Variants in TUBAL3 observed in about 807,000 individuals in gnomAD.
The protein encoded by TUBAL3 is tubulin alpha chain-like 3.
TUBAL3 carries 16 observed loss-of-function variants against 15.5 expected under a neutral mutation model. That is an observed-to-expected ratio of 1.04 (90% CI 0.70 to 1.57). The LOEUF (loss-of-function observed/expected upper bound fraction) is 1.57. TUBAL3 is among the 40% of genes most tolerant of loss of function. The pLI, the probability that TUBAL3 is intolerant of heterozygous loss-of-function variation, is 0.00. For missense variants in TUBAL3, 609 were observed against 576.2 expected (o/e 1.06, Z -0.58); for synonymous variants, 238 against 224.3 (o/e 1.06, Z -0.55).
In TUBAL3 at chr10:5,400,922, C is replaced by T. The variant is rs782639744; in HGVS notation, c.169G>A (p.Asp57Asn). The T allele has an allele frequency of 5.0e-6, 8 of 1,614,068 alleles. No individual in the cohort carries two copies. In the Admixed American group the frequency reaches 5.0e-5, roughly 10 times the overall value. The change falls in exon 2 of 4, where the codon GAT becomes AAT. Residue 57 changes from aspartate to asparagine, a missense_variant. By Grantham distance (23) the Asp-to-Asn change is conservative (BLOSUM62 1). Coordinates refer to ENST00000380419, the MANE Select transcript of TUBAL3 (RefSeq NM_024803.3). ...GCTCTTGTCTCACAGAAGAAGGTAT[C>T]GAAAGATGCATTTGTGTGCTCCATT... ...AKMEHTNASFDTFFCETRAGK... is the reference protein window; with the variant it reads ...AKMEHTNASFNTFFCETRAGK...
rs1314957732 is a variant in TUBAL3, at chr10:5,395,678, T to G, written c.248-203A>C. 2.0e-5 allele frequency among the ~76,000 whole-genome samples: 3 copies of G among 152,234 alleles called. No homozygotes were observed. Among genetic ancestry groups the G allele is most frequent in the Non-Finnish European group, 4.4e-5 (3 of 68,038 alleles). On this transcript the variant is annotated intron_variant, in intron 2 of 3. Transcript: ENST00000380419. This position sits in a 1 kb window ranked among gnomAD's most constrained non-coding sequence, Gnocchi z 4.6. Reference sequence around the variant, plus strand: ...ATTTTTTACATATACATGGAAAGTATGTTTTTCTACCATGCACCCCTTATT... The same window carrying G: ...ATTTTTTACATATACATGGAAAGTAGGTTTTTCTACCATGCACCCCTTATT...
chr10:5,399,319 G>A (rs942679498), intron 2 of TUBAL3, among the ~76,000 whole-genome samples: 1 of 152,216 alleles, frequency 6.6e-6, no homozygotes, highest in African/African-American at 2.4e-5. Context: ...GGTATCTGGA[G>A]GTGAGTCTTT....
At position 5,393,759 on chromosome 10, in the gene TUBAL3, G is replaced by A. The variant is rs1178806931; in HGVS notation, c.1099C>T (p.Pro367Ser). 3.1e-6 allele frequency: 5 copies of A among 1,614,114 alleles called. No individual in the cohort carries two copies. The highest frequency in any genetic ancestry group is 4.2e-6 in the Non-Finnish European group (5 of 1,180,048). Residue 367 changes from proline (P) to serine (S), a missense_variant, in exon 4 of 4, where the codon CCC (proline) becomes TCC (serine). Transcript: ENST00000380419. ...AGGTCCCCACCCGGCATCACCGTGG[G>A]CGGCCGATTGTTGATGCCCACCTTG... is the stretch of plus-strand genomic sequence containing the variant. ...GFKVGINNRPPTVMPGGDLAK... is the reference protein window; with the variant it reads ...GFKVGINNRPSTVMPGGDLAK...
chr10:5,393,822 G>A lies in TUBAL3; in HGVS notation c.1036C>T (p.His346Tyr), dbSNP rs1554813765. The A allele has an allele frequency of 9.9e-6, 16 of 1,614,084 alleles. No homozygotes were observed. The highest frequency in any genetic ancestry group is 2.2e-5 in the South Asian group (2 of 91,082). Reference protein sequence around the residue: ...NAAIAATKSRHSVQFVDWCPT... With the variant: ...NAAIAATKSRYSVQFVDWCPT... ...CACCAATCTACAAACTGAACAGAGT[G>A]CCTCGACTTCGTGGCTGCGATTGCT... is the stretch of plus-strand genomic sequence containing the variant. The change falls in exon 4 of 4, where the codon CAC becomes TAC. Residue 346 changes from histidine to tyrosine, a missense_variant. Physicochemically the swap from His to Tyr is moderately conservative, Grantham distance 83 (BLOSUM62 2). Coordinates refer to ENST00000380419, the MANE Select transcript of TUBAL3 (RefSeq NM_024803.3).
Position 5,393,959 on chromosome 10 carries a change from G to A in TUBAL3, c.899C>T (p.Thr300Ile). 3.1e-6 allele frequency: 5 copies of A among 1,614,236 alleles called. No homozygotes were observed. The highest frequency in any genetic ancestry group is 4.2e-6 in the Non-Finnish European group (5 of 1,180,042). Reference sequence around the variant, plus strand: ...CTGGTTGGAGGACTCAAAGCAGGCAGTGGTGATGTCTGACACAGAGAACTG... The same window carrying A: ...CTGGTTGGAGGACTCAAAGCAGGCAATGGTGATGTCTGACACAGAGAACTG... ...HEQFSVSDIT[T>I]ACFESSNQLV... The change falls in exon 4 of 4, where the codon ACT (threonine) becomes ATT (isoleucine). Residue 300 changes from threonine to isoleucine, a missense_variant. Physicochemically the swap from Thr to Ile is moderately conservative, Grantham distance 89. Transcript: ENST00000380419.
At position 5,393,879 on chromosome 10, in the gene TUBAL3, T is replaced by C. The variant is rs1485868618; in HGVS notation, c.979A>G (p.Arg327Gly). 1 of 1,614,110 alleles carries C rather than the reference T, an allele frequency of 6.2e-7. No individual in the cohort carries two copies. Among genetic ancestry groups the C allele is most frequent in the Admixed American group, 1.7e-5 (1 of 60,008 alleles). The change falls in exon 4 of 4, where the codon AGA becomes GGA. Residue 327 changes from arginine to glycine, a missense_variant. Arg to Gly is a moderately radical substitution (Grantham distance 125). Transcript: ENST00000380419. ...ACTTCCTTGGGGACCACATCCCCTC[T>C]ATAGAGTAGGCAGCAGGCCATGTAC... ...GKYMACCLLY[R>G]GDVVPKEVNA...
intron 1 of TUBAL3, among the ~76,000 whole-genome samples, chr10:5,402,620 G>A (rs1831873622): frequency 1.3e-5 from 2 of 152,224 alleles, no homozygotes; most frequent in Non-Finnish European, 1.5e-5. Context: ...ACCAGTACCA[G>A]TCTGTGCCCT....
At chr10:5,399,326 CTT>C (rs1554814433) in intron 2 of TUBAL3, among the ~76,000 whole-genome samples, 1 of 152,134 alleles carries the variant, frequency 6.6e-6, no homozygotes, top group African/African-American at 2.4e-5. Flanking sequence ...GGAGGTGAGT[CTT>C]TGTGAGTAAT....
At chr10:5,402,502 A>G (rs1359940685) in intron 1 of TUBAL3, among the ~76,000 whole-genome samples, 3 of 152,164 alleles carry the variant, frequency 2.0e-5, no homozygotes, top group Non-Finnish European at 4.4e-5. Flanking sequence ...GCCCTTGTTC[A>G]TGGCTACACT....
In TUBAL3 at chr10:5,394,990, T is replaced by C. The variant is rs1588411941; in HGVS notation, c.396+337A>G. Among the ~76,000 whole-genome samples, 1 of 152,310 alleles carries C rather than the reference T, an allele frequency of 6.6e-6. No individual in the cohort carries two copies. Among genetic ancestry groups the C allele is most frequent in the South Asian group, 2.1e-4 (1 of 4,818 alleles). ...TCTTGCTAACTTCATAAACATCAGTTACTCTTGGAAAATGACAGGTTACTC... is the reference window on the plus strand; with the variant it reads ...TCTTGCTAACTTCATAAACATCAGTCACTCTTGGAAAATGACAGGTTACTC... On this transcript the variant is annotated intron_variant, in intron 3 of 3. Coordinates refer to ENST00000380419, the MANE Select transcript of TUBAL3 (RefSeq NM_024803.3). The surrounding 1 kb of genome is among the most constrained non-coding windows in gnomAD (Gnocchi z 4.3).
At chr10:5,398,874 G>A (rs1554814403) in intron 2 of TUBAL3, among the ~76,000 whole-genome samples, 1 of 152,084 alleles carries the variant, frequency 6.6e-6, no homozygotes, top group African/African-American at 2.4e-5. Flanking sequence ...GGACACACTT[G>A]TTGTAGAAAT....
chr10:5,400,094 A>G (rs1831826771), intron 2 of TUBAL3, among the ~76,000 whole-genome samples: 1 of 152,160 alleles, frequency 6.6e-6, no homozygotes, highest in Non-Finnish European at 1.5e-5. Flanking sequence ...CTACAAGTCT[A>G]TTGTTAGTAA....
At chr10:5,399,272 A>T (rs1831811935) in intron 2 of TUBAL3, among the ~76,000 whole-genome samples, 1 of 152,206 alleles carries the variant, frequency 6.6e-6, no homozygotes, top group East Asian at 1.9e-4. Flanking sequence ...GTGTCCCCCC[A>T]CAATTCATGC....
Position 5,396,743 on chromosome 10 carries a change from A to G in TUBAL3, c.248-1268T>C, listed in dbSNP as rs1262755523. 6.6e-6 allele frequency among the ~76,000 whole-genome samples: 1 copy of G among 152,212 alleles called. No individual in the cohort carries two copies. Among genetic ancestry groups the G allele is most frequent in the African/African-American group, 2.4e-5 (1 of 41,452 alleles). On this transcript the variant is annotated intron_variant, in intron 2 of 3. Coordinates refer to ENST00000380419, the MANE Select transcript of TUBAL3 (RefSeq NM_024803.3). The surrounding 1 kb of genome is among the most constrained non-coding windows in gnomAD (Gnocchi z 5.1). ...ATTGCCTTTTAAAAACCTGGGCAGC[A>G]TGCCCTACTCCTCCACCTTAGAATT...
At position 5,395,175 on chromosome 10, in the gene TUBAL3, G is replaced by A. The variant is rs1831743560; in HGVS notation, c.396+152C>T. 2.5e-6 allele frequency: 2 copies of A among 788,404 alleles called. No homozygotes were observed. The highest frequency in any genetic ancestry group is 3.7e-6 in the Non-Finnish European group (2 of 540,678). The allele number at this position is 788,404 out of a possible 1,614,324, so 48.8% of individuals were successfully genotyped here. ...AACAAGGGGAAATCAAAGCCAAGAT[G>A]AGAACCCCTCCCCAGTTCTGAGCAC... On this transcript the variant is annotated intron_variant, in intron 3 of 3. Coordinates refer to ENST00000380419, the MANE Select transcript of TUBAL3 (RefSeq NM_024803.3). The surrounding 1 kb of genome is among the most constrained non-coding windows in gnomAD (Gnocchi z 4.6).
rs782687182 is a variant in TUBAL3 at position 5,401,036 on chromosome 10, C to T, written c.55G>A (p.Ala19Thr). The T allele has an allele frequency of 9.3e-6, 15 of 1,614,158 alleles. No homozygotes were observed. The Admixed American group carries it at 1.2e-4, about 13-fold the overall frequency. The change falls in exon 2 of 4, where the codon GCC (alanine) becomes ACC (threonine). Residue 19 changes from alanine to threonine, a missense_variant. Coordinates refer to ENST00000380419, the MANE Select transcript of TUBAL3 (RefSeq NM_024803.3). ...IGQAGIQIGDACWELYCLEHG... is the reference protein window; with the variant it reads ...IGQAGIQIGDTCWELYCLEHG... The stretch of plus-strand genomic sequence containing the variant: ...TCCAGGCAATAGAGTTCCCAGCAGG[C>T]GTCCCCAATCTGGATGCCAGCTTGA...
intron 1 of TUBAL3, 60 bp downstream of exon 1, chr10:5,404,730 A>AAGGGCC: frequency 6.3e-7 from 1 of 1,581,086 alleles, no homozygotes; most frequent in South Asian, 1.1e-5. Context: ...GCTGTGGGAA[A>AAGGGCC]AGGGCCAAAT....
At chr10:5,403,646 C>A (rs1040954599) in intron 1 of TUBAL3, among the ~76,000 whole-genome samples, 3 of 152,132 alleles carry the variant, frequency 2.0e-5, no homozygotes, top group East Asian at 1.9e-4. Context: ...CCTGGACTAA[C>A]AAGCATCCTT....
At chr10:5,401,242 C>A (rs1245177785) in intron 1 of TUBAL3, among the ~76,000 whole-genome samples, 155 bp from the exon 2 acceptor site, 1 of 152,154 alleles carries the variant, frequency 6.6e-6, no homozygotes, top group African/African-American at 2.4e-5. Flanking sequence ...TCATGGAAAC[C>A]AAGACCCAGG....
Sources: gnomAD v4.1 joint callset for allele counts (sites outside exome capture counted in the v4.1 genomes callset) on GRCh38, gnomAD v4.1.1 for gene constraint, Gnocchi (gnomAD v3.1) non-coding constraint, MANE v1.5 for transcripts, NCBI Gene and HGNC (gene_info 2026-07-23, HGNC 2026-07-21) for gene names.